Variants in WDPCP observed in about 807,000 individuals in gnomAD.
The protein encoded by WDPCP is WD repeat containing planar cell polarity effector, also known as WD repeat-containing and planar cell polarity effector protein fritz homolog.
Under a neutral mutation model 93.1 loss-of-function variants are expected in WDPCP, and 71 were observed. That is an observed-to-expected ratio of 0.76 (90% CI 0.63 to 0.93). The LOEUF (loss-of-function observed/expected upper bound fraction) is 0.93. Ranked by LOEUF, WDPCP falls within the 40% of genes least tolerant of loss-of-function variation. The probability of loss-of-function intolerance (pLI) is 0.00; values close to 1 mark genes in which losing one functional copy is unlikely to be tolerated. For synonymous variants in WDPCP, 315 were observed against 315.0 expected (o/e 1.00, Z 0.00); for missense variants, 844 against 887.4 (o/e 0.95, Z 0.62).
intron 2 of WDPCP, among the ~76,000 whole-genome samples, chr2:63,739,406 T>C (rs1669684354): frequency 6.6e-6 from 1 of 152,292 alleles, no homozygotes; most frequent in African/African-American, 2.4e-5. Flanking sequence ...ATGTACCACA[T>C]TTTCTTTATC....
intron 2 of WDPCP, among the ~76,000 whole-genome samples, chr2:63,721,746 G>A (rs1048918703): frequency 7.9e-4 from 39 of 49,400 alleles, no homozygotes; most frequent in Non-Finnish European, 1.2e-3. Flanking sequence ...CTCTCCCCAC[G>A]GTCTCCCTCT....
At chr2:63,578,583 G>A (rs190490477) in intron 1 of WDPCP, among the ~76,000 whole-genome samples, 109 of 152,284 alleles carry the variant, frequency 7.2e-4, no homozygotes, top group African/African-American at 2.6e-3. Flanking sequence ...CTGGAGGTTG[G>A]TAAGTAAAAC....
At chr2:63,606,208 C>T (rs1419570819) in intron 3 of WDPCP, among the ~76,000 whole-genome samples, 1 of 152,046 alleles carries the variant, frequency 6.6e-6, no homozygotes, top group Non-Finnish European at 1.5e-5. Context: ...ATAGTGAGAC[C>T]CCCTCTCTGC....
At chr2:63,153,958 TGTAAAA>T (rs1220796011) in intron 15 of WDPCP, among the ~76,000 whole-genome samples, 1 of 151,946 alleles carries the variant, frequency 6.6e-6, no homozygotes. Flanking sequence ...TTTATAAACT[TGTAAAA>T]GTAATTCACT....
chr2:63,588,623 T>G (rs1709052224), upstream of WDPCP: 4 of 493,480 alleles, frequency 8.1e-6, no homozygotes, highest in South Asian at 8.4e-5. Flanking sequence ...GTGGGGGTGA[T>G]GTCGCTAAGG....
At chr2:63,410,186 AAGCTAGAAGGT>A (rs1694921176) in intron 9 of WDPCP, among the ~76,000 whole-genome samples, 1 of 152,202 alleles carries the variant, frequency 6.6e-6, no homozygotes, top group South Asian at 2.1e-4. Context: ...GAAACCCTAC[AAGCTAGAAGGT>A]ATTGGGCTCC....
At chr2:63,788,806 C>G (rs1367046887) in intron 2 of WDPCP, among the ~76,000 whole-genome samples, 1 of 152,158 alleles carries the variant, frequency 6.6e-6, no homozygotes, top group Non-Finnish European at 1.5e-5. Flanking sequence ...ATTTTCAAAT[C>G]CCTTTTCTTT....
intron 6 of WDPCP, among the ~76,000 whole-genome samples, chr2:63,446,409 A>G (rs749250465): frequency 1.3e-5 from 2 of 152,226 alleles, no homozygotes; most frequent in Admixed American, 6.5e-5. Flanking sequence ...CAACGTCTAG[A>G]GACACTGCAG....
chr2:63,575,369 A>ACTGTATACAGT (rs1275811879), intron 1 of WDPCP, among the ~76,000 whole-genome samples: 1 of 118,144 alleles, frequency 8.5e-6, no homozygotes, highest in Non-Finnish European at 1.8e-5. Flanking sequence ...CAGTATATAC[A>ACTGTATACAGT]GTATATACAG....
At chr2:63,465,888 A>C (rs1699317986) in intron 6 of WDPCP, among the ~76,000 whole-genome samples, 1 of 152,186 alleles carries the variant, frequency 6.6e-6, no homozygotes, top group Non-Finnish European at 1.5e-5. Context: ...ACTCTGAACT[A>C]TCTGGGGCTA....
At chr2:63,627,542 G>GC (rs1200457424) in intron 3 of WDPCP, among the ~76,000 whole-genome samples, 21 of 152,132 alleles carry the variant, frequency 1.4e-4, no homozygotes, top group African/African-American at 4.6e-4. Context: ...GGCCCGACCT[G>GC]CCCCCCATCT....
chr2:63,212,559 C>G (rs1158630613), intron 14 of WDPCP, among the ~76,000 whole-genome samples: 3 of 152,170 alleles, frequency 2.0e-5, no homozygotes, highest in Non-Finnish European at 2.9e-5. Context: ...ACTGCATCAA[C>G]TAACGAGCAA....
chr2:63,495,229 C>G (rs917967942), intron 1 of WDPCP, among the ~76,000 whole-genome samples: 5 of 152,040 alleles, frequency 3.3e-5, no homozygotes, highest in African/African-American at 1.2e-4. Context: ...TCATTATCAG[C>G]AAGCAGTAGA....
chr2:63,484,587 T>G lies in WDPCP; in HGVS notation c.384+17A>C. On this transcript the variant is annotated intron_variant, in intron 6 of 17. Transcript: ENST00000272321. ...TCCATTGGTTAAACACTGCAAAGGC[T>G]TGTCAAATCATTTTACCTGACAGAC... is the stretch of plus-strand genomic sequence containing the variant. The G allele has an allele frequency of 1.2e-6, 2 of 1,612,576 alleles. No homozygotes were observed. Among genetic ancestry groups the G allele is most frequent in the Non-Finnish European group, 1.7e-6 (2 of 1,179,002 alleles).
chr2:63,489,998 A>G (rs180861293), intron 2 of WDPCP, among the ~76,000 whole-genome samples: 207 of 152,180 alleles, frequency 1.4e-3, no homozygotes, highest in Non-Finnish European at 2.3e-3. Context: ...ATTGAAATGC[A>G]TAACCTGAAT....
intron 17 of WDPCP, among the ~76,000 whole-genome samples, chr2:63,125,921 T>C (rs1347705470): frequency 6.6e-6 from 1 of 150,834 alleles, no homozygotes; most frequent in African/African-American, 2.4e-5. Context: ...GCTTTTCAGT[T>C]TTTTTTTACA....
At chr2:63,152,476 T>C (rs1389856023) in intron 17 of WDPCP, among the ~76,000 whole-genome samples, 1 of 152,108 alleles carries the variant, frequency 6.6e-6, no homozygotes, top group African/African-American at 2.4e-5. Flanking sequence ...TTTGCCATGT[T>C]GGCCAGGCTG....
chr2:63,328,697 C>G (rs751046174), intron 12 of WDPCP, among the ~76,000 whole-genome samples: 4 of 152,136 alleles, frequency 2.6e-5, no homozygotes, highest in Non-Finnish European at 4.4e-5. Context: ...ACATATCTAT[C>G]ACTTCCAAAA....
rs759376788 is a variant in WDPCP at position 63,439,817 on chromosome 2, C to T, written c.439G>A (p.Glu147Lys). ...AGGCTTCTGTCAATCACCACTTTCT[C>T]CAGCTGCGGCCCAGAAAGGCTTAGA... ...VSLSLSGPQL[E>K]KVVIDRSLVG... Residue 147 changes from glutamate to lysine, a missense_variant, in exon 7 of 18, where the codon GAG (glutamate) becomes AAG (lysine). By Grantham distance (56) the Glu-to-Lys change is moderately conservative. Coordinates refer to ENST00000272321, the MANE Select transcript of WDPCP (RefSeq NM_015910.7). 1.9e-6 allele frequency: 3 copies of T among 1,613,134 alleles called. No individual in the cohort carries two copies. In the East Asian group the frequency reaches 6.7e-5, roughly 36 times the overall value.
Sources: allele counts gnomAD v4.1 joint callset (sites outside exome capture counted in the v4.1 genomes callset), GRCh38; gene constraint gnomAD v4.1.1; transcripts MANE v1.5; gene names NCBI Gene and HGNC (gene_info 2026-07-23, HGNC 2026-07-21).